The following BAHD1 variants were observed in gnomAD, a reference collection of about 807,000 sequenced individuals.
The protein encoded by BAHD1 is bromo adjacent homology domain-containing 1 protein.
BAHD1 carries 20 observed loss-of-function variants against 63.1 expected under a neutral mutation model. The ratio of observed to expected loss-of-function variants is 0.32; its 90% CI spans 0.22 to 0.46. The LOEUF (loss-of-function observed/expected upper bound fraction) is 0.46, where lower values mean the gene tolerates loss of function less well. BAHD1 is among the 20% of genes least tolerant of loss of function. BAHD1 has a pLI of 1.00. For synonymous variants in BAHD1, 408 were observed against 426.8 expected (o/e 0.96, Z 0.54); for missense variants, 939 against 1,071.8 (o/e 0.88, Z 1.73).
At chr15:40,441,889 G>T (rs892830726) in intron 1 of BAHD1, among the ~76,000 whole-genome samples, 1 of 151,880 alleles carries the variant, frequency 6.6e-6, no homozygotes. Flanking sequence ...GGGGCGGCAG[G>T]GGGGAGTAGT....
In BAHD1 at chr15:40,459,150, A is replaced by C. The variant is rs201623827; in HGVS notation, c.686A>C (p.His229Pro). ...CTACCCCTGCGGCTGCCTCGTGCCCATGCAGAAGTAGATGGGCGCTCCACT... is the reference window on the plus strand; with the variant it reads ...CTACCCCTGCGGCTGCCTCGTGCCCCTGCAGAAGTAGATGGGCGCTCCACT... ...RELPLRLPRA[H>P]AEVDGRSTEP... is the part of the protein sequence containing the mutation. The change falls in exon 2 of 7, where the codon CAT (histidine) becomes CCT (proline). Residue 229 changes from histidine (H) to proline (P), a missense_variant. Around this residue, in one of 5 missense-constraint regions of BAHD1, gnomAD observed 797 missense variants for 813.3 expected, o/e 0.98. Transcript: ENST00000416165. 1 of 1,613,166 alleles carries C rather than the reference A, an allele frequency of 6.2e-7. No homozygotes were observed.
In BAHD1 at chr15:40,458,552, A is replaced by G. The variant is rs770567434; in HGVS notation, c.88A>G (p.Met30Val). 2.5e-6 allele frequency: 4 copies of G among 1,613,872 alleles called. No homozygotes were observed. Among genetic ancestry groups the G allele is most frequent in the South Asian group, 1.1e-5 (1 of 91,058 alleles). Residue 30 changes from methionine to valine, a missense_variant, in exon 2 of 7, where the codon ATG (methionine) becomes GTG (valine). By Grantham distance (21) the Met-to-Val change is conservative (BLOSUM62 1). Transcript: ENST00000416165. This position sits in a 1 kb window ranked among gnomAD's most constrained non-coding sequence, Gnocchi z 4.7. ...REPLQMEDSN[M>V]EQGVEGVEPG... ...GCCCCTGCAGATGGAAGACAGCAAC[A>G]TGGAGCAGGGGGTTGAGGGTGTGGA...
chr15:40,466,352 C>T lies in BAHD1; in HGVS notation c.*222C>T. 1 of 442,894 alleles carries T rather than the reference C, an allele frequency of 2.3e-6. No individual in the cohort carries two copies. The allele number at this position is 442,894 out of a possible 1,614,324, so 27.4% of individuals were successfully genotyped here. ...AAAGCATCAGAACTCTCAGCTTGGC[C>T]CAAGGTACCTTCTGTGGTTCCCCTG... is the stretch of plus-strand genomic sequence containing the variant. On this transcript the variant is annotated 3_prime_UTR_variant, in exon 7 of 7. Transcript: ENST00000416165.
rs781128980 is a variant in BAHD1 at position 40,458,920 on chromosome 15, C to G, written c.456C>G (p.His152Gln). 1 of 1,596,986 alleles carries G rather than the reference C, an allele frequency of 6.3e-7. No individual in the cohort carries two copies. Among genetic ancestry groups the G allele is most frequent in the Non-Finnish European group, 8.5e-7 (1 of 1,170,792 alleles). The change falls in exon 2 of 7, where the codon CAC becomes CAG. Residue 152 changes from histidine to glutamine, a missense_variant. This residue lies in a region of BAHD1 where 797 missense variants were observed against 813.3 expected (regional missense o/e 0.98). Coordinates refer to ENST00000416165, the MANE Select transcript of BAHD1 (RefSeq NM_014952.5). This position sits in a 1 kb window ranked among gnomAD's most constrained non-coding sequence, Gnocchi z 4.7. ...GTRRSRAGDPHRSRDRDRATG... is the reference protein window; with the variant it reads ...GTRRSRAGDPQRSRDRDRATG... ...GCCGCAGTCGAGCAGGGGATCCCCA[C>G]CGCAGCCGTGACCGTGATCGTGCTA... is the stretch of plus-strand genomic sequence containing the variant.
chr15:40,458,515 T>A lies in BAHD1; in HGVS notation c.51T>A (p.Thr17=). The change falls in exon 2 of 7, where the codon ACT becomes ACA. Residue 17 remains threonine (T), a synonymous_variant. Coordinates refer to ENST00000416165, the MANE Select transcript of BAHD1 (RefSeq NM_014952.5). The surrounding 1 kb of genome is among the most constrained non-coding windows in gnomAD (Gnocchi z 4.7). The part of the protein sequence containing the change: ...KSLPMLSSGL[T]GRREPLQMED... ...TTCCCATGCTGAGTTCGGGCCTCAC[T>A]GGCCGCCGAGAGCCCCTGCAGATGG... 5.6e-6 allele frequency: 9 copies of A among 1,611,794 alleles called. No individual in the cohort carries two copies. The highest frequency in any genetic ancestry group is 7.6e-6 in the Non-Finnish European group (9 of 1,178,730).
chr15:40,464,187 G>A (rs1894136650), intron 4 of BAHD1, 167 bp downstream of exon 4: 5 of 852,926 alleles, frequency 5.9e-6, no homozygotes, highest in Non-Finnish European at 8.9e-6. Flanking sequence ...GAGGGCTGTG[G>A]GTGACCTTGT....
rs1422458698 is a variant in BAHD1 at position 40,468,027 on chromosome 15, T to C, written c.*1897T>C. Reference sequence around the variant, plus strand: ...GAACCTGAAAATGCAGCTGGTAGAATTTCAATGGAAGCATAATCCATGTAA... The same window carrying C: ...GAACCTGAAAATGCAGCTGGTAGAACTTCAATGGAAGCATAATCCATGTAA... On this transcript the variant is annotated 3_prime_UTR_variant, in exon 7 of 7. Coordinates refer to ENST00000416165, the MANE Select transcript of BAHD1 (RefSeq NM_014952.5). 6.5e-6 allele frequency: 1 copy of C among 152,674 alleles called. No individual in the cohort carries two copies. The highest frequency in any genetic ancestry group is 1.5e-5 in the Non-Finnish European group (1 of 68,038). The allele number at this position is 152,674 out of a possible 1,614,324, so 9.5% of individuals were successfully genotyped here.
At chr15:40,462,366 G>A in intron 3 of BAHD1, 72 bp downstream of exon 3, 2 of 1,525,010 alleles carry the variant, frequency 1.3e-6, no homozygotes, top group Non-Finnish European at 1.8e-6. Flanking sequence ...AGTGAGGTAG[G>A]TGCTAGAAGC....
At chr15:40,464,789 C>T in intron 5 of BAHD1, 1 of 527,282 alleles carries the variant, frequency 1.9e-6, no homozygotes, top group Non-Finnish European at 3.4e-6. Flanking sequence ...AAAGGGAACC[C>T]TTGAGGTAGC....
chr15:40,464,144 T>C, intron 4 of BAHD1, 124 bp downstream of exon 4: 2 of 1,179,346 alleles, frequency 1.7e-6, no homozygotes, highest in Non-Finnish European at 2.4e-6. Context: ...GCACAGAGTC[T>C]GCCTTCCACT....
In BAHD1 at chr15:40,464,461, G is replaced by T. The variant is rs372916728; in HGVS notation, c.1976-10G>T. 1 of 1,610,824 alleles carries T rather than the reference G, an allele frequency of 6.2e-7. No homozygotes were observed. Among genetic ancestry groups the T allele is most frequent in the African/African-American group, 1.3e-5 (1 of 75,040 alleles). ...CAGTTCAAGCCATAACCACTGTGTT[G>T]TCCTTCCAGGAGAGCTGATGATGAG... On this transcript the variant is annotated splice_polypyrimidine_tract_variant and intron_variant, in intron 4 of 6. Transcript: ENST00000416165.
intron 1 of BAHD1, among the ~76,000 whole-genome samples, chr15:40,444,337 A>G (rs1460846062): frequency 6.6e-6 from 1 of 152,106 alleles, no homozygotes; most frequent in Non-Finnish European, 1.5e-5. Context: ...GTAAATGGGA[A>G]ATTTAACTGC....
At chr15:40,450,317 G>A (rs1271148653) in intron 1 of BAHD1, among the ~76,000 whole-genome samples, 1 of 152,212 alleles carries the variant, frequency 6.6e-6, no homozygotes, top group Non-Finnish European at 1.5e-5. Flanking sequence ...GGAGGTTAGT[G>A]CTCTGCTGAG....
At position 40,458,794 on chromosome 15, in the gene BAHD1, C is replaced by A. The variant is rs200547065; in HGVS notation, c.330C>A (p.Gly110=). 7.3e-5 allele frequency: 118 copies of A among 1,613,090 alleles called. No individual in the cohort carries two copies. The Middle Eastern group carries it at 8.2e-4, about 11-fold the overall frequency. The change falls in exon 2 of 7, where the codon GGC becomes GGA. Residue 110 remains glycine, a synonymous_variant. Transcript: ENST00000416165. The surrounding 1 kb of genome is among the most constrained non-coding windows in gnomAD (Gnocchi z 4.7). ...CGGCCCCATCCAGTGAAGACCCTGGCCTTGCCCAGCCCCGCAAGCGGCGCC... is the reference window on the plus strand; with the variant it reads ...CGGCCCCATCCAGTGAAGACCCTGGACTTGCCCAGCCCCGCAAGCGGCGCC... ...PSPAPSSEDP[G]LAQPRKRRLA...
chr15:40,465,975 C>T lies in BAHD1; in HGVS notation c.2188C>T (p.Leu730Phe), dbSNP rs774003289. The T allele has an allele frequency of 6.2e-7, 1 of 1,606,802 alleles. No individual in the cohort carries two copies. Among genetic ancestry groups the T allele is most frequent in the East Asian group, 2.2e-5 (1 of 44,742 alleles). Residue 730 changes from leucine to phenylalanine, a missense_variant, in exon 7 of 7, where the codon CTC (leucine) becomes TTC (phenylalanine). Physicochemically the swap from Leu to Phe is conservative, Grantham distance 22. Around this residue, in one of 5 missense-constraint regions of BAHD1, gnomAD observed 68 missense variants for 86.2 expected, o/e 0.79. Coordinates refer to ENST00000416165, the MANE Select transcript of BAHD1 (RefSeq NM_014952.5). ...CATGGCCAAGCGCCGAGGTGAAGGCCTCCCCAGCCGAAAGACAGCACTGGT... is the reference window on the plus strand; with the variant it reads ...CATGGCCAAGCGCCGAGGTGAAGGCTTCCCCAGCCGAAAGACAGCACTGGT... The part of the protein sequence containing the change: ...CAMAKRRGEG[L>F]PSRKTALVPP...
intron 1 of BAHD1, among the ~76,000 whole-genome samples, chr15:40,455,698 G>A (rs956170512): frequency 6.6e-6 from 1 of 152,214 alleles, no homozygotes; most frequent in Non-Finnish European, 1.5e-5. Flanking sequence ...ACAAGCCCAG[G>A]TGATCTCCAC....
upstream of BAHD1, among the ~76,000 whole-genome samples, chr15:40,439,096 T>A (rs1449745186): frequency 1.3e-5 from 2 of 152,172 alleles, no homozygotes; most frequent in African/African-American, 2.4e-5. Context: ...GGAACCTCTG[T>A]CCTGTCCAGG....
upstream of BAHD1, among the ~76,000 whole-genome samples, chr15:40,440,832 T>C (rs1344384610): frequency 6.6e-6 from 1 of 151,866 alleles, no homozygotes; most frequent in African/African-American, 2.4e-5. Flanking sequence ...GAGGGCCGGA[T>C]TGGCTGGCGG....
intron 1 of BAHD1, among the ~76,000 whole-genome samples, chr15:40,451,448 C>T (rs1382053389): frequency 6.6e-6 from 1 of 152,256 alleles, no homozygotes; most frequent in Admixed American, 6.5e-5. Context: ...TAGTCTTTTG[C>T]ATTTTTTTCC....
Sources: allele counts gnomAD v4.1 joint callset (sites outside exome capture counted in the v4.1 genomes callset), GRCh38; gene constraint gnomAD v4.1.1; regional missense constraint gnomAD v4.1.1; non-coding constraint Gnocchi (gnomAD v3.1); transcripts MANE v1.5; gene names NCBI Gene and HGNC (gene_info 2026-07-23, HGNC 2026-07-21).